PEMT: variants seen among roughly 807,000 people sequenced by gnomAD.
PEMT encodes phospholipid methyltransferase.
PEMT carries 23 observed loss-of-function variants against 27.4 expected under a neutral mutation model. The observed-to-expected ratio is 0.84, with a 90% CI of 0.60 to 1.19. PEMT has a LOEUF of 1.19. Among genes scored for constraint, PEMT ranks in the 50% most tolerant of loss-of-function variants. The probability of loss-of-function intolerance (pLI) is 0.00; values close to 1 mark genes in which losing one functional copy is unlikely to be tolerated. For synonymous variants in PEMT, 137 were observed against 139.1 expected (o/e 0.98, Z 0.11); for missense variants, 307 against 310.1 (o/e 0.99, Z 0.07).
intron 2 of PEMT, among the ~76,000 whole-genome samples, chr17:17,535,374 T>C (rs142155291): frequency 0.012 from 1,813 of 152,104 alleles, 41 homozygotes; most frequent in African/African-American, 0.039. Context: ...AAGACCATCC[T>C]GGCCAACGTG....
chr17:17,555,458 T>G (rs1909986529), intron 2 of PEMT, among the ~76,000 whole-genome samples: 1 of 152,190 alleles, frequency 6.6e-6, no homozygotes, highest in Non-Finnish European at 1.5e-5. Flanking sequence ...CAGTTTCCCC[T>G]GCAAGGTGAG....
At position 17,513,912 on chromosome 17, in the gene PEMT, C is replaced by A. The variant is rs146617501; in HGVS notation, c.321-1258G>T. ...AGAGACATGGAGATCTGCTACCTCA[C>A]GCAGGGCAGCGCCTTTCACACCCAG... On this transcript the variant is annotated intron_variant, in intron 3 of 6. Coordinates refer to ENST00000255389, the MANE Select transcript of PEMT (RefSeq NM_148172.3). This position sits in a 1 kb window ranked among gnomAD's most constrained non-coding sequence, Gnocchi z 4.1. Among the ~76,000 whole-genome samples the A allele has an allele frequency of 5.3e-3, 804 of 152,300 alleles. 3 individuals carry two copies. The highest frequency in any genetic ancestry group is 8.0e-3 in the Non-Finnish European group (545 of 68,022).
At chr17:17,535,422 C>T (rs905611962) in intron 2 of PEMT, among the ~76,000 whole-genome samples, 1 of 151,920 alleles carries the variant, frequency 6.6e-6, no homozygotes. Context: ...AAAAATTGGC[C>T]AAGCATGGTG....
Position 17,535,937 on chromosome 17 carries a change from C to T in PEMT, c.205-13542G>A, listed in dbSNP as rs149963778. Among the ~76,000 whole-genome samples, 156 of 152,344 alleles carry T rather than the reference C, an allele frequency of 1.0e-3. 4 individuals are homozygous for T. The East Asian group carries it at 0.029, about 29-fold the overall frequency. ...CTTCCCTAAGGGTGACAGTCCCCAT[C>T]GGTGAGCAGGGGATGCCCCTGCCCT... On this transcript the variant is annotated intron_variant, in intron 2 of 6. Coordinates refer to ENST00000255389, the MANE Select transcript of PEMT (RefSeq NM_148172.3).
rs1430607756 is a variant in PEMT at position 17,513,216 on chromosome 17, G to C, written c.321-562C>G. Among the ~76,000 whole-genome samples the C allele has an allele frequency of 1.3e-5, 2 of 152,196 alleles. No individual in the cohort carries two copies. Among genetic ancestry groups the C allele is most frequent in the African/African-American group, 4.8e-5 (2 of 41,450 alleles). ...TGGGTGGCTTGACTTGCATTTAAAG[G>C]CACTTTGGGGGCCCTTAATGTCCTC... On this transcript the variant is annotated intron_variant, in intron 3 of 6. Coordinates refer to ENST00000255389, the MANE Select transcript of PEMT (RefSeq NM_148172.3). The surrounding 1 kb of genome is among the most constrained non-coding windows in gnomAD (Gnocchi z 4.1).
chr17:17,585,155 T>C (rs547795461), intron 1 of PEMT, among the ~76,000 whole-genome samples: 1 of 152,098 alleles, frequency 6.6e-6, no homozygotes, highest in Admixed American at 6.6e-5. Flanking sequence ...CTAGCCGATA[T>C]GGTGAAACCC....
chr17:17,562,306 C>A (rs1359472179), intron 2 of PEMT, among the ~76,000 whole-genome samples: 1 of 152,238 alleles, frequency 6.6e-6, no homozygotes, highest in Non-Finnish European at 1.5e-5. Context: ...AGGCACTGAG[C>A]TCACTGCAGC....
chr17:17,532,817 CAGG>C (rs1168440409), intron 2 of PEMT, among the ~76,000 whole-genome samples: 1 of 152,218 alleles, frequency 6.6e-6, no homozygotes, highest in African/African-American at 2.4e-5. Context: ...CACCTGAGAC[CAGG>C]AGTTCAAGAC....
intron 2 of PEMT, among the ~76,000 whole-genome samples, chr17:17,568,497 C>T (rs1410451231): frequency 6.6e-6 from 1 of 152,194 alleles, no homozygotes; most frequent in South Asian, 2.1e-4. Flanking sequence ...CTTGGTAAAG[C>T]GCAGGGATTG....
At chr17:17,530,719 T>C (rs940187707) in intron 2 of PEMT, among the ~76,000 whole-genome samples, 1 of 152,192 alleles carries the variant, frequency 6.6e-6, no homozygotes, top group Non-Finnish European at 1.5e-5. Flanking sequence ...GATATTATTA[T>C]TATTTTGACT....
At chr17:17,525,149 T>C (rs1337445065) in intron 2 of PEMT, among the ~76,000 whole-genome samples, 1 of 152,024 alleles carries the variant, frequency 6.6e-6, no homozygotes, top group Non-Finnish European at 1.5e-5. Context: ...CTTCAAGGGT[T>C]CTCTCTGCCA....
intron 2 of PEMT, chr17:17,570,695 G>A (rs971626413): frequency 9.1e-6 from 9 of 985,312 alleles, no homozygotes; most frequent in African/African-American, 3.5e-5. Flanking sequence ...AGGGCCTCCC[G>A]GGACAGGGGA....
chr17:17,560,165 C>T (rs992412790), intron 2 of PEMT, among the ~76,000 whole-genome samples: 5 of 152,212 alleles, frequency 3.3e-5, no homozygotes, highest in East Asian at 1.9e-4. Flanking sequence ...AGGCAGGCAT[C>T]GGGTGAAGGC....
intron 2 of PEMT, among the ~76,000 whole-genome samples, chr17:17,541,035 C>A (rs4646389): frequency 0.49 from 73,978 of 152,180 alleles, 18,281 homozygotes; most frequent in Non-Finnish European, 0.54. Context: ...ACCCTGGCCG[C>A]TGAGTGCTCG....
At chr17:17,537,389 C>A (rs1173378965) in intron 2 of PEMT, among the ~76,000 whole-genome samples, 2 of 152,220 alleles carry the variant, frequency 1.3e-5, no homozygotes, top group East Asian at 1.9e-4. Context: ...CCAACCCCTG[C>A]CCTCCATGGG....
At position 17,505,905 on chromosome 17, in the gene PEMT, CG is replaced by C. The variant is rs1453974827; in HGVS notation, c.654-58del. The C allele has an allele frequency of 1.1e-5, 17 of 1,548,114 alleles. No homozygotes were observed. In the East Asian group the frequency reaches 3.5e-4, roughly 32 times the overall value. Reference sequence around the variant, plus strand: ...CAGGTCCTGGGGGTGACCCACTGCCCGCACCAGAGCTCTGCGTCCATCAGCT... The same window carrying C: ...CAGGTCCTGGGGGTGACCCACTGCCCCACCAGAGCTCTGCGTCCATCAGCT... On this transcript the variant is annotated intron_variant, in intron 6 of 6. Coordinates refer to ENST00000255389, the MANE Select transcript of PEMT (RefSeq NM_148172.3).
intron 4 of PEMT, among the ~76,000 whole-genome samples, chr17:17,511,446 ACAAG>A (rs896637340): frequency 5.3e-5 from 8 of 152,034 alleles, no homozygotes; most frequent in African/African-American, 1.9e-4. Flanking sequence ...ACTGGCAGGC[ACAAG>A]CTCCTTGAGA....
intron 2 of PEMT, among the ~76,000 whole-genome samples, chr17:17,531,169 C>T (rs1444663441): frequency 2.6e-5 from 4 of 152,188 alleles, no homozygotes; most frequent in Admixed American, 2.6e-4. Flanking sequence ...GTTAAAAGGC[C>T]GATTCCAGTC....
intron 2 of PEMT, among the ~76,000 whole-genome samples, chr17:17,531,246 A>C (rs760635187): frequency 6.6e-6 from 1 of 152,190 alleles, no homozygotes; most frequent in Non-Finnish European, 1.5e-5. Flanking sequence ...GAAACGCCAG[A>C]AGAACACTAA....
Sources: gnomAD v4.1 joint callset for allele counts (sites outside exome capture counted in the v4.1 genomes callset) on GRCh38, gnomAD v4.1.1 for gene constraint, Gnocchi (gnomAD v3.1) non-coding constraint, MANE v1.5 for transcripts, NCBI Gene and HGNC (gene_info 2026-07-23, HGNC 2026-07-21) for gene names.